PRH1: variants seen among roughly 807,000 people sequenced by gnomAD.
PRH1 encodes proline rich protein HaeIII subfamily 1.
A neutral mutation model predicts 7.9 loss-of-function variants in PRH1; 7 were observed. The observed-to-expected ratio is 0.89, with a 90% CI of 0.50 to 1.67. PRH1 has a LOEUF of 1.67. Ranked by LOEUF, PRH1 falls within the 40% of genes most tolerant of loss-of-function variation. The pLI is 0.00. For missense variants in PRH1, 109 were observed against 223.6 expected (o/e 0.49, Z 3.27); for synonymous variants, 45 against 80.8 (o/e 0.56, Z 2.38).
chr12:10,977,776 G>A (rs1357931253), intron 1 of PRH1, among the ~76,000 whole-genome samples: 1 of 152,090 alleles, frequency 6.6e-6, no homozygotes, highest in Non-Finnish European at 1.5e-5. Context: ...CATCCAAACA[G>A]AGACAAATAA....
At chr12:10,883,674 T>G (rs537703072) in intron 1 of PRH1, among the ~76,000 whole-genome samples, 1 of 152,200 alleles carries the variant, frequency 6.6e-6, no homozygotes, top group Non-Finnish European at 1.5e-5. Flanking sequence ...AAAATGACAA[T>G]GTTTCACTCT....
intron 1 of PRH1, among the ~76,000 whole-genome samples, chr12:11,026,875 A>T (rs1386481169): frequency 1.3e-5 from 2 of 152,242 alleles, no homozygotes; most frequent in Non-Finnish European, 2.9e-5. Flanking sequence ...TTTGCCTTGT[A>T]TCATAATAAT....
Position 10,884,147 on chromosome 12 carries a change from A to C in PRH1, c.64+7T>G. ...GAGTCACAATATCTTCCCCCAATTCATCTTACCTTCATTTAAATCCTGAGC... is the reference window on the plus strand; with the variant it reads ...GAGTCACAATATCTTCCCCCAATTCCTCTTACCTTCATTTAAATCCTGAGC... On this transcript the variant is annotated splice_region_variant and intron_variant, in intron 1 of 3. Coordinates refer to ENST00000543626, the MANE Select transcript of PRH1 (RefSeq NM_001393989.1). 3 of 1,614,108 alleles carry C rather than the reference A, an allele frequency of 1.9e-6. No homozygotes were observed. Among genetic ancestry groups the C allele is most frequent in the Non-Finnish European group, 2.5e-6 (3 of 1,180,016 alleles).
intron 1 of PRH1, among the ~76,000 whole-genome samples, chr12:11,128,369 C>CT (rs11429547): frequency 0.45 from 68,689 of 151,428 alleles, 16,309 homozygotes; most frequent in Non-Finnish European, 0.52. Flanking sequence ...TGGAGTCAGA[C>CT]GCCAGGTCAG....
At chr12:10,975,050 C>T (rs572214621) in intron 1 of PRH1, among the ~76,000 whole-genome samples, 11 of 152,158 alleles carry the variant, frequency 7.2e-5, no homozygotes, top group African/African-American at 2.2e-4. Context: ...AAAGAATCAA[C>T]GAAGGAACCA....
intron 1 of PRH1, chr12:10,986,020 A>C (rs1317084841): frequency 1.9e-6 from 3 of 1,613,858 alleles, no homozygotes; most frequent in Admixed American, 3.3e-5. Context: ...TTGGTTCTCC[A>C]AATTAGGATG....
intron 2 of PRH1, chr12:10,939,149 C>G: frequency 6.2e-7 from 1 of 1,601,726 alleles, no homozygotes; most frequent in Non-Finnish European, 8.5e-7. Context: ...TCCTAAATTT[C>G]CAATTATAAA....
chr12:11,106,774 T>G (rs1945432986), intron 1 of PRH1, among the ~76,000 whole-genome samples: 1 of 152,208 alleles, frequency 6.6e-6, no homozygotes, highest in Non-Finnish European at 1.5e-5. Flanking sequence ...ATTTTCTGCT[T>G]CAAATATGGT....
At chr12:11,138,584 G>T (rs1946620628) in intron 1 of PRH1, among the ~76,000 whole-genome samples, 1 of 152,124 alleles carries the variant, frequency 6.6e-6, no homozygotes, top group African/African-American at 2.4e-5. Flanking sequence ...GGAAATTCAT[G>T]ACTTTCTGAC....
intron 1 of PRH1, among the ~76,000 whole-genome samples, chr12:10,994,804 A>T (rs1940135045): frequency 1.3e-5 from 2 of 152,336 alleles, no homozygotes; most frequent in South Asian, 4.1e-4. Flanking sequence ...TAAATTTTTT[A>T]AATGAAATGT....
At chr12:10,984,805 ACTGT>A (rs1939522930) in intron 1 of PRH1, among the ~76,000 whole-genome samples, 1 of 152,048 alleles carries the variant, frequency 6.6e-6, no homozygotes, top group South Asian at 2.1e-4. Context: ...ATATCAACAC[ACTGT>A]CTCATTGTAT....
At chr12:11,087,445 C>T (rs1009429033) in intron 1 of PRH1, among the ~76,000 whole-genome samples, 3 of 116,336 alleles carry the variant, frequency 2.6e-5, no homozygotes, top group African/African-American at 8.6e-5. Flanking sequence ...TGGCTCATGT[C>T]CATCCCAAGG....
intron 1 of PRH1, among the ~76,000 whole-genome samples, chr12:11,130,711 G>C (rs2136356757): frequency 6.6e-6 from 1 of 152,278 alleles, no homozygotes; most frequent in African/African-American, 2.4e-5. Context: ...TGTAAGACCA[G>C]TGTAAGACCA....
At chr12:11,129,029 C>A (rs1471761985) in intron 1 of PRH1, among the ~76,000 whole-genome samples, 2 of 152,142 alleles carry the variant, frequency 1.3e-5, no homozygotes, top group Admixed American at 6.5e-5. Flanking sequence ...CTCAAGCAAT[C>A]CTCCTGCCTC....
intron 1 of PRH1, among the ~76,000 whole-genome samples, chr12:11,114,070 G>T (rs1024368928): frequency 6.6e-6 from 1 of 152,106 alleles, no homozygotes; most frequent in African/African-American, 2.4e-5. Context: ...GTGCAAATTA[G>T]TTCAACCATT....
intron 1 of PRH1, among the ~76,000 whole-genome samples, chr12:11,128,357 C>G (rs1946207022): frequency 8.3e-6 from 1 of 119,906 alleles, no homozygotes; most frequent in Non-Finnish European, 2.0e-5. Context: ...AAGAGGGGAT[C>G]TTGGAGTCAG....
chr12:11,039,989 G>A (rs541809191), intron 1 of PRH1, among the ~76,000 whole-genome samples: 88 of 152,222 alleles, frequency 5.8e-4, no homozygotes, highest in African/African-American at 2.0e-3. Context: ...CAAACTTATC[G>A]CTCATGCTGA....
intron 2 of PRH1, among the ~76,000 whole-genome samples, chr12:10,946,755 C>T (rs1160212229): frequency 1.3e-5 from 2 of 152,066 alleles, no homozygotes; most frequent in Non-Finnish European, 2.9e-5. Flanking sequence ...GCCTTACAAA[C>T]TTTTTGATGT....
chr12:10,885,596 C>G (rs1261889014), upstream of PRH1, among the ~76,000 whole-genome samples: 2 of 152,216 alleles, frequency 1.3e-5, no homozygotes, highest in African/African-American at 2.4e-5. Context: ...TTCCAAAAAG[C>G]CCTGTCAGAG....
Sources: gnomAD v4.1 joint callset for allele counts (sites outside exome capture counted in the v4.1 genomes callset) on GRCh38, gnomAD v4.1.1 for gene constraint, MANE v1.5 for transcripts, NCBI Gene and HGNC (gene_info 2026-07-23, HGNC 2026-07-21) for gene names.